Variants in CLVS1 observed in about 807,000 individuals in gnomAD.
CLVS1 encodes the protein clavesin-1.
Under a neutral mutation model 33.1 loss-of-function variants are expected in CLVS1, and 10 were observed. That is an observed-to-expected ratio of 0.30 (90% confidence interval 0.19 to 0.51). The LOEUF (loss-of-function observed/expected upper bound fraction) is 0.51. Among genes scored for constraint, CLVS1 ranks in the 20% least tolerant of loss-of-function variants. The pLI, the probability that CLVS1 is intolerant of heterozygous loss-of-function variation, is 0.97. For missense variants in CLVS1, 343 were observed against 433.4 expected (o/e 0.79, Z 1.85); for synonymous variants, 163 against 166.1 (o/e 0.98, Z 0.14).
chr8:61,492,347 G>A (rs568574138), intron 5 of CLVS1, among the ~76,000 whole-genome samples: 1 of 152,086 alleles, frequency 6.6e-6, no homozygotes, highest in South Asian at 2.1e-4. Flanking sequence ...CATTTTTTTG[G>A]TACTAAAAGT....
chr8:61,151,120 T>C (rs182343902), intron 2 of CLVS1, among the ~76,000 whole-genome samples: 10 of 149,948 alleles, frequency 6.7e-5, no homozygotes, highest in Non-Finnish European at 1.2e-4. Flanking sequence ...CAAACTCTCG[T>C]ATCTACTTAT....
At chr8:61,034,920 C>T in the CLVS1 span, among the ~76,000 whole-genome samples, 2 of 152,150 alleles carry the variant, frequency 1.3e-5, no homozygotes, top group South Asian at 2.1e-4. Context: ...ATCATAGATA[C>T]AGTCTCCTTT....
intron 3 of CLVS1, among the ~76,000 whole-genome samples, chr8:61,441,305 C>G (rs1349294315): frequency 6.6e-6 from 1 of 152,162 alleles, no homozygotes; most frequent in African/African-American, 2.4e-5. Context: ...GAAAGACGGT[C>G]CTCCCTTACA....
Position 61,181,820 on chromosome 8 carries a change from C to T in CLVS1, c.-152+49960C>T, listed in dbSNP as rs1807241064. Among the ~76,000 whole-genome samples, 7 of 151,216 alleles carry T rather than the reference C, an allele frequency of 4.6e-5. No homozygotes were observed. In the South Asian group the frequency reaches 1.5e-3, roughly 32 times the overall value. On this transcript the variant is annotated intron_variant, in intron 2 of 2. Coordinates refer to the CLVS1 transcript ENST00000522621. ...GATCCTGCCATTCTCCTGCCTCAGC[C>T]TCCCGAGTAGCTGGGACTACAGGTG...
At chr8:61,361,310 G>A (rs1263246488) in intron 2 of CLVS1, among the ~76,000 whole-genome samples, 2 of 152,192 alleles carry the variant, frequency 1.3e-5, no homozygotes, top group East Asian at 3.8e-4. Context: ...ATGTGTCAGG[G>A]AAGAATGCAC....
At chr8:61,222,539 G>C (rs1808238317) in intron 2 of CLVS1, among the ~76,000 whole-genome samples, 1 of 152,208 alleles carries the variant, frequency 6.6e-6, no homozygotes, top group Non-Finnish European at 1.5e-5. Context: ...TGGTCTGAGA[G>C]ACTGCTTGTT....
At chr8:61,243,832 T>G (rs1808747747) in intron 2 of CLVS1, among the ~76,000 whole-genome samples, 1 of 152,220 alleles carries the variant, frequency 6.6e-6, no homozygotes, top group African/African-American at 2.4e-5. Flanking sequence ...ATATCTGCTC[T>G]TTCACTGTTA....
chr8:61,212,747 T>C (rs1171201428), intron 2 of CLVS1, among the ~76,000 whole-genome samples: 9 of 151,984 alleles, frequency 5.9e-5, no homozygotes, highest in Non-Finnish European at 4.4e-5. Flanking sequence ...AGACAGAAGA[T>C]GGGGAGCTGA....
At chr8:61,301,012 A>G (rs2129594714) in intron 2 of CLVS1, 1 of 152,156 alleles carries the variant, frequency 6.6e-6, no homozygotes, top group East Asian at 1.9e-4. Flanking sequence ...TTCTTCTTTC[A>G]TTGTTGCAAC....
chr8:60,972,575 CATT>C, the CLVS1 span, among the ~76,000 whole-genome samples: 5 of 152,110 alleles, frequency 3.3e-5, no homozygotes, highest in Non-Finnish European at 5.9e-5. Context: ...CTGTAAATAA[CATT>C]ATTATTGTAG....
chr8:61,376,537 C>T (rs1813651291), intron 2 of CLVS1, 68 bp from the exon 3 acceptor site: 2 of 1,479,404 alleles, frequency 1.4e-6, no homozygotes, highest in South Asian at 2.5e-5. Context: ...GAGGCCAGCA[C>T]TGTTGCACGC....
the CLVS1 span, among the ~76,000 whole-genome samples, chr8:61,014,657 T>A: frequency 6.6e-6 from 1 of 152,220 alleles, no homozygotes; most frequent in South Asian, 2.1e-4. Flanking sequence ...TTAAGAAATG[T>A]GTGGCAAAAC....
At chr8:60,973,936 C>A in the CLVS1 span, among the ~76,000 whole-genome samples, 13 of 152,150 alleles carry the variant, frequency 8.5e-5, no homozygotes, top group African/African-American at 3.1e-4. Context: ...CCCACTGTAA[C>A]AAGATGATCT....
At chr8:61,254,525 C>A (rs981563481) in intron 2 of CLVS1, among the ~76,000 whole-genome samples, 7 of 152,196 alleles carry the variant, frequency 4.6e-5, no homozygotes, top group African/African-American at 1.4e-4. Context: ...GAAGTGGAGT[C>A]TACAGAGGCA....
At chr8:61,060,301 A>G (rs562989814) in intron 1 of CLVS1, among the ~76,000 whole-genome samples, 7 of 152,268 alleles carry the variant, frequency 4.6e-5, no homozygotes, top group East Asian at 1.9e-4. Context: ...TGAGCACCCA[A>G]TCAGGTACTG....
At chr8:61,003,380 C>T in the CLVS1 span, among the ~76,000 whole-genome samples, 1 of 152,154 alleles carries the variant, frequency 6.6e-6, no homozygotes, top group Non-Finnish European at 1.5e-5. Context: ...AGGCTCACCA[C>T]CTTTGGCCTG....
At chr8:61,010,644 G>A in the CLVS1 span, among the ~76,000 whole-genome samples, 1 of 152,176 alleles carries the variant, frequency 6.6e-6, no homozygotes, top group Admixed American at 6.5e-5. Flanking sequence ...TGGTGGAGAT[G>A]AGGGGGTGGT....
intron 1 of CLVS1, among the ~76,000 whole-genome samples, chr8:61,060,608 C>CA (rs771666433): frequency 2.0e-5 from 3 of 152,222 alleles, no homozygotes; most frequent in Admixed American, 2.0e-4. Context: ...TAAGTGCCCA[C>CA]AGCGCCCCTT....
intron 2 of CLVS1, among the ~76,000 whole-genome samples, chr8:61,266,276 C>T (rs1439998779): frequency 7.0e-6 from 1 of 143,032 alleles, no homozygotes; most frequent in South Asian, 2.4e-4. Context: ...CAGACACAAA[C>T]CCTCCAAATT....
Sources: allele counts gnomAD v4.1 joint callset (sites outside exome capture counted in the v4.1 genomes callset), GRCh38; gene constraint gnomAD v4.1.1; transcripts MANE v1.5; gene names NCBI Gene and HGNC (gene_info 2026-07-23, HGNC 2026-07-21).